Variants in FGF13 observed in about 807,000 individuals in gnomAD.
The protein encoded by FGF13 is fibroblast growth factor homologous factor 2.
A neutral mutation model predicts 19.5 loss-of-function variants in FGF13; 2 were observed. The observed-to-expected ratio is 0.10, with a 90% confidence interval of 0.04 to 0.32. FGF13 has a LOEUF of 0.32. Ranked by LOEUF, FGF13 falls within the 10% of genes least tolerant of loss-of-function variation. The pLI is 1.00. For missense variants in FGF13, 113 were observed against 192.7 expected, an observed-to-expected ratio of 0.59 and a Z score of 2.45; for synonymous variants, 72 against 76.9, an observed-to-expected ratio of 0.94 and a Z score of 0.33.
intron 1 of FGF13, among the ~76,000 whole-genome samples, chrX:138,989,425 G>A (rs763861785): frequency 1.3e-4 from 14 of 111,494 alleles, no homozygotes; most frequent in South Asian, 3.7e-4. Flanking sequence ...GGGATCCAGC[G>A]CCTGGTAGAT....
chrX:139,004,648 G>A (rs949621079), intron 1 of FGF13, among the ~76,000 whole-genome samples: 2 of 112,410 alleles, frequency 1.8e-5, no homozygotes, highest in Admixed American at 9.3e-5. Context: ...CTCAATTCCA[G>A]GCCTTGGCTC....
At chrX:139,134,666 C>T (rs1451912689) in intron 1 of FGF13, among the ~76,000 whole-genome samples, 1 of 111,822 alleles carries the variant, frequency 8.9e-6, no homozygotes, top group Non-Finnish European at 1.9e-5. Flanking sequence ...GTTCTCAACC[C>T]GTGTTTGATG....
intron 1 of FGF13, among the ~76,000 whole-genome samples, chrX:139,058,907 T>C (rs1004255514): frequency 4.5e-5 from 5 of 111,582 alleles, no homozygotes; most frequent in African/African-American, 1.6e-4. Context: ...CATGAGGTCC[T>C]GATTTGATCT....
intron 1 of FGF13, among the ~76,000 whole-genome samples, chrX:139,061,814 A>G (rs2092337118): frequency 9.0e-6 from 1 of 110,813 alleles, no homozygotes; most frequent in Admixed American, 9.6e-5. Flanking sequence ...TTCCCTGTTG[A>G]TTAGTCATGT....
chrX:138,808,547 C>G (rs970496365), intron 3 of FGF13, among the ~76,000 whole-genome samples: 2 of 110,845 alleles, frequency 1.8e-5, no homozygotes, highest in Non-Finnish European at 3.8e-5. Flanking sequence ...GAAGCAAGAG[C>G]AAACATATTC....
intron 1 of FGF13, among the ~76,000 whole-genome samples, chrX:139,123,568 A>G (rs186906679): frequency 8.9e-6 from 1 of 112,407 alleles, no homozygotes; most frequent in African/African-American, 3.2e-5. Context: ...TTCCATAACT[A>G]AAACAGCACT....
chrX:138,933,270 G>A (rs756709137), intron 1 of FGF13, among the ~76,000 whole-genome samples: 3 of 111,304 alleles, frequency 2.7e-5, no homozygotes, highest in Non-Finnish European at 5.6e-5. Flanking sequence ...TCTGACCAAG[G>A]GCATACTAAT....
At chrX:138,688,195 C>T (rs897759718) in intron 3 of FGF13, among the ~76,000 whole-genome samples, 2 of 109,301 alleles carry the variant, frequency 1.8e-5, no homozygotes, top group African/African-American at 6.7e-5. Flanking sequence ...GATCTCCTGA[C>T]CTTGTGATCT....
Position 139,004,330 on chromosome X carries a change from C to T in FGF13, c.-112-139680G>A, listed in dbSNP as rs180903955. Among the ~76,000 whole-genome samples, 67 of 112,960 alleles carry T rather than the reference C, an allele frequency of 5.9e-4. No individual in the cohort carries two copies. In the East Asian group the frequency reaches 0.014, roughly 24 times the overall value. On this transcript the variant is annotated intron_variant, in intron 1 of 2. Coordinates refer to the FGF13 transcript ENST00000421460. ...GGCCGGCTGTTCTGAGTGCGGGGCC[C>T]GCCAAGCCCACGCCCACCCGGAACT...
intron 1 of FGF13, among the ~76,000 whole-genome samples, chrX:138,871,670 C>T (rs534718986): frequency 9.0e-6 from 1 of 111,711 alleles, no homozygotes; most frequent in Admixed American, 9.5e-5. Context: ...GGAGGAAGTG[C>T]GGAAGGGAGT....
intron 3 of FGF13, 118 bp downstream of exon 3, chrX:138,702,866 C>A: frequency 2.1e-6 from 1 of 467,160 alleles, no homozygotes; most frequent in Non-Finnish European, 3.8e-6. Flanking sequence ...GAAATATTTC[C>A]ATCAACATTC....
intron 1 of FGF13, among the ~76,000 whole-genome samples, chrX:139,008,560 C>T (rs2092114758): frequency 8.9e-6 from 1 of 112,089 alleles, no homozygotes; most frequent in African/African-American, 3.3e-5. Context: ...CAACCCGGAG[C>T]CTGGTAGCTC....
intron 1 of FGF13, 30 bp from the exon 2 acceptor site, chrX:138,708,958 T>G (rs1272209509): frequency 3.5e-6 from 3 of 868,002 alleles, no homozygotes; most frequent in Non-Finnish European, 5.0e-6. Flanking sequence ...TTGGATCAAT[T>G]GATAAATTGT....
chrX:139,070,467 T>A (rs747364672), intron 1 of FGF13, among the ~76,000 whole-genome samples: 1 of 112,058 alleles, frequency 8.9e-6, no homozygotes, highest in East Asian at 2.8e-4. Context: ...TCATTAAAAA[T>A]TCAGGAAACA....
intron 2 of FGF13, 132 bp from the exon 3 acceptor site, chrX:138,703,219 A>G: frequency 4.1e-6 from 2 of 493,641 alleles, no homozygotes; most frequent in Non-Finnish European, 7.3e-6. Context: ...ATGTCTGTTT[A>G]TGTAGACATG....
intron 3 of FGF13, among the ~76,000 whole-genome samples, chrX:138,638,665 G>T (rs1264467594): frequency 8.9e-6 from 1 of 111,881 alleles, no homozygotes; most frequent in African/African-American, 3.3e-5. Flanking sequence ...GAATTTCAGA[G>T]ATTCAGATTT....
intron 1 of FGF13, among the ~76,000 whole-genome samples, chrX:139,088,831 G>T (rs1340137404): frequency 9.0e-6 from 1 of 111,628 alleles, no homozygotes; most frequent in Admixed American, 9.5e-5. Flanking sequence ...ATGGCTTTTG[G>T]GAAGTTATTA....
intron 1 of FGF13, among the ~76,000 whole-genome samples, chrX:139,183,724 T>C (rs1467755340): frequency 2.7e-5 from 3 of 112,075 alleles, no homozygotes; most frequent in African/African-American, 9.7e-5. Context: ...AAACCTCTTT[T>C]CTGTATAAAT....
At chrX:139,138,968 T>C (rs148983620) in intron 1 of FGF13, among the ~76,000 whole-genome samples, 6,466 of 104,295 alleles carry the variant, frequency 0.062, 573 homozygotes, top group African/African-American at 0.21. Flanking sequence ...CTCACTCTGT[T>C]GCCTAGGCTG....
Sources: allele counts gnomAD v4.1 joint callset (sites outside exome capture counted in the v4.1 genomes callset), GRCh38; gene constraint gnomAD v4.1.1; transcripts MANE v1.5; gene names NCBI Gene and HGNC (gene_info 2026-07-23, HGNC 2026-07-21).